NPAS3: variants seen among roughly 807,000 people sequenced by gnomAD.
The protein encoded by NPAS3 is neuronal PAS domain protein 3, also known as neuronal PAS domain-containing protein 3.
Under a neutral mutation model 73.1 loss-of-function variants are expected in NPAS3, and 14 were observed. The observed-to-expected ratio is 0.19, with a 90% CI of 0.13 to 0.30. NPAS3 has a LOEUF of 0.30. Ranked by LOEUF, NPAS3 falls within the 10% of genes least tolerant of loss-of-function variation. The probability of loss-of-function intolerance (pLI) is 1.00; values close to 1 mark genes in which losing one functional copy is unlikely to be tolerated. For synonymous variants in NPAS3, 620 were observed against 541.5 expected (o/e 1.14, Z -2.01); for missense variants, 1,096 against 1,250.0 (o/e 0.88, Z 1.86).
chr14:32,975,896 T>TGTGTGTGTGTGA (rs374916231), intron 1 of NPAS3, among the ~76,000 whole-genome samples: 45 of 142,304 alleles, frequency 3.2e-4, no homozygotes, highest in African/African-American at 1.1e-3. Context: ...TGTGTGTGTG[T>TGTGTGTGTGTGA]GAGAGAGAGA....
At chr14:33,639,667 A>G (rs1690686502) in intron 5 of NPAS3, among the ~76,000 whole-genome samples, 1 of 152,234 alleles carries the variant, frequency 6.6e-6, no homozygotes, top group Non-Finnish European at 1.5e-5. Flanking sequence ...CTTCTCCATC[A>G]GCAACCAGAT....
At chr14:33,584,715 A>C (rs2056800579) in intron 5 of NPAS3, among the ~76,000 whole-genome samples, 1 of 152,198 alleles carries the variant, frequency 6.6e-6, no homozygotes. Flanking sequence ...CAGATGAAAA[A>C]ACTATGGAAA....
intron 2 of NPAS3, among the ~76,000 whole-genome samples, chr14:33,095,657 CTTTTATTTTTTTATTTTTTTT>C (rs2042384269): frequency 1.0e-5 from 1 of 97,656 alleles, no homozygotes; most frequent in Non-Finnish European, 2.0e-5. Flanking sequence ...GCATTCTCTG[CTTTTATTTTTTTATTTTTTTT>C]TTTTTTTTGA....
chr14:33,074,175 A>T (rs2041579554), intron 2 of NPAS3, among the ~76,000 whole-genome samples: 1 of 152,218 alleles, frequency 6.6e-6, no homozygotes, highest in Non-Finnish European at 1.5e-5. Context: ...GGGCTGGAAT[A>T]GGCAGCCAGA....
At chr14:32,989,560 C>G (rs1378600099) in intron 1 of NPAS3, among the ~76,000 whole-genome samples, 1 of 151,656 alleles carries the variant, frequency 6.6e-6, no homozygotes, top group African/African-American at 2.4e-5. Context: ...AGGAGAATGG[C>G]GTGAACCCCA....
intron 2 of NPAS3, among the ~76,000 whole-genome samples, chr14:33,163,831 A>AC (rs1232077963): frequency 1.7e-4 from 26 of 152,150 alleles, no homozygotes; most frequent in Non-Finnish European, 2.8e-4. Flanking sequence ...TTAACTGGGA[A>AC]CTGGTACTAA....
chr14:33,379,983 T>TGC (rs1372060850), intron 4 of NPAS3, among the ~76,000 whole-genome samples: 1 of 149,124 alleles, frequency 6.7e-6, no homozygotes, highest in East Asian at 2.0e-4. Context: ...CCCTCGTGTG[T>TGC]GTGTGTGTGT....
chr14:33,509,070 T>TA (rs2052912769), intron 4 of NPAS3, among the ~76,000 whole-genome samples: 3 of 151,702 alleles, frequency 2.0e-5, no homozygotes, highest in Admixed American at 6.6e-5. Flanking sequence ...TTTTTTTTTT[T>TA]ACCTGAGACT....
At chr14:33,423,237 G>C (rs2048425972) in intron 4 of NPAS3, among the ~76,000 whole-genome samples, 1 of 151,998 alleles carries the variant, frequency 6.6e-6, no homozygotes, top group Admixed American at 6.6e-5. Context: ...AAATAGTATT[G>C]ATGGTCAAGG....
chr14:33,432,073 G>T (rs949124393), intron 4 of NPAS3, among the ~76,000 whole-genome samples: 3 of 152,072 alleles, frequency 2.0e-5, no homozygotes, highest in Non-Finnish European at 4.4e-5. Flanking sequence ...TATATAAAGA[G>T]AAAAGTACTT....
In NPAS3 at chr14:33,362,233, T is replaced by C. The variant is rs553191832; in HGVS notation, c.386-4953T>C. Among the ~76,000 whole-genome samples the C allele has an allele frequency of 2.0e-5, 3 of 150,862 alleles. No homozygotes were observed. The East Asian group carries it at 5.8e-4, about 29-fold the overall frequency. ...CATGCACAGATACTGAGGCGTTTTGTATTGAAAGAATACAATTTGTGAAAA... is the reference window on the plus strand; with the variant it reads ...CATGCACAGATACTGAGGCGTTTTGCATTGAAAGAATACAATTTGTGAAAA... On this transcript the variant is annotated intron_variant, in intron 3 of 11. Coordinates refer to ENST00000356141, the Ensembl canonical transcript of NPAS3.
At chr14:33,436,190 T>A (rs2048982408) in intron 4 of NPAS3, among the ~76,000 whole-genome samples, 1 of 152,204 alleles carries the variant, frequency 6.6e-6, no homozygotes. Flanking sequence ...AGGTGACTCC[T>A]TTCTCGTGCA....
At chr14:33,335,030 T>TTGTGTGTGTGTGTG (rs777068522) in intron 3 of NPAS3, among the ~76,000 whole-genome samples, 6,430 of 144,114 alleles carry the variant, frequency 0.045, 190 homozygotes, top group Non-Finnish European at 0.066. Context: ...TGGTATTCCA[T>TTGTGTGTGTGTGTG]TGTGTGTGTG....
intron 5 of NPAS3, among the ~76,000 whole-genome samples, chr14:33,582,968 G>A: frequency 1.9e-5 from 1 of 53,444 alleles, no homozygotes; most frequent in Non-Finnish European, 3.2e-5. Context: ...GATATTTAAA[G>A]GGTTTTTTTT....
chr14:33,012,594 G>T (rs2139654311), intron 1 of NPAS3, among the ~76,000 whole-genome samples: 1 of 151,608 alleles, frequency 6.6e-6, no homozygotes, highest in Admixed American at 6.6e-5. Context: ...TCTCGCCTGG[G>T]CTGGAGTACA....
At chr14:33,483,714 A>T (rs898084857) in intron 4 of NPAS3, among the ~76,000 whole-genome samples, 4 of 152,150 alleles carry the variant, frequency 2.6e-5, no homozygotes, top group Non-Finnish European at 5.9e-5. Flanking sequence ...ACTAGTTGTC[A>T]CCTCACATGC....
intron 2 of NPAS3, among the ~76,000 whole-genome samples, chr14:33,058,851 A>T (rs935412433): frequency 7.2e-5 from 11 of 152,238 alleles, no homozygotes; most frequent in Admixed American, 5.9e-4. Flanking sequence ...AGGTAAATGT[A>T]TAAACAGAAT....
intron 4 of NPAS3, among the ~76,000 whole-genome samples, chr14:33,526,593 TTCAA>T: frequency 6.6e-6 from 1 of 150,984 alleles, no homozygotes; most frequent in South Asian, 2.1e-4. Flanking sequence ...CCTCCTGGGG[TTCAA>T]TATATGGAGA....
chr14:33,289,165 T>C (rs2041995410), intron 3 of NPAS3, among the ~76,000 whole-genome samples: 4 of 152,214 alleles, frequency 2.6e-5, no homozygotes, highest in Admixed American at 2.6e-4. Context: ...GCACGCATTT[T>C]TATCATTCCC....
Sources: allele counts gnomAD v4.1 joint callset (sites outside exome capture counted in the v4.1 genomes callset), GRCh38; gene constraint gnomAD v4.1.1; transcripts MANE v1.5; gene names NCBI Gene and HGNC (gene_info 2026-07-23, HGNC 2026-07-21).